Variants in PTPRN2 observed in about 807,000 individuals in gnomAD.
The protein encoded by PTPRN2 is protein tyrosine phosphatase receptor type N2, also known as receptor-type tyrosine-protein phosphatase N2.
PTPRN2 carries 74 observed loss-of-function variants against 118.8 expected under a neutral mutation model. The ratio of observed to expected loss-of-function variants is 0.62; its 90% CI spans 0.52 to 0.76. The LOEUF is 0.76. Ranked by LOEUF, PTPRN2 falls within the 30% of genes least tolerant of loss-of-function variation. PTPRN2 has a pLI of 0.00. For missense variants in PTPRN2, 1,481 were observed against 1,394.4 expected (o/e 1.06, Z -0.99); for synonymous variants, 641 against 608.0 (o/e 1.05, Z -0.80).
At chr7:158,028,451 A>C (rs1807438704) in intron 11 of PTPRN2, 1 of 152,360 alleles carries the variant, frequency 6.6e-6, no homozygotes, top group South Asian at 2.1e-4. Flanking sequence ...AGGCCATTTC[A>C]GACGAGAGAG....
intron 2 of PTPRN2, among the ~76,000 whole-genome samples, chr7:158,406,224 T>G (rs1326881013): frequency 9.7e-5 from 11 of 113,246 alleles, no homozygotes; most frequent in South Asian, 3.0e-4. Flanking sequence ...CGTGAGACAT[T>G]TGGCTGCACA....
At chr7:157,814,424 G>A (rs1026576780) in intron 12 of PTPRN2, among the ~76,000 whole-genome samples, 5 of 151,788 alleles carry the variant, frequency 3.3e-5, no homozygotes, top group African/African-American at 4.9e-5. Context: ...ACTGGCGCTC[G>A]ACATGGGGCA....
intron 3 of PTPRN2, among the ~76,000 whole-genome samples, chr7:158,287,240 G>T (rs1303275107): frequency 4.0e-5 from 6 of 151,678 alleles, no homozygotes; most frequent in African/African-American, 1.5e-4. Context: ...TAGTCTAAAG[G>T]TTTTCAATTT....
At chr7:158,390,570 A>T (rs1013198468) in intron 2 of PTPRN2, among the ~76,000 whole-genome samples, 1 of 152,098 alleles carries the variant, frequency 6.6e-6, no homozygotes, top group African/African-American at 2.4e-5. Flanking sequence ...GGTAGGAGGG[A>T]ACACAGGCAT....
intron 1 of PTPRN2, among the ~76,000 whole-genome samples, chr7:158,491,879 T>A (rs190386872): frequency 2.0e-5 from 3 of 152,330 alleles, no homozygotes; most frequent in Admixed American, 2.0e-4. Flanking sequence ...AACAAGTGTC[T>A]GAGCCAGGCA....
intron 14 of PTPRN2, among the ~76,000 whole-genome samples, chr7:157,630,957 C>A (rs1803902906): frequency 6.6e-6 from 1 of 152,214 alleles, no homozygotes; most frequent in Non-Finnish European, 1.5e-5. Flanking sequence ...ACAGATGAAA[C>A]TGGCAAAAGC....
intron 9 of PTPRN2, among the ~76,000 whole-genome samples, chr7:158,127,037 T>C (rs1483953597): frequency 6.6e-6 from 1 of 152,156 alleles, no homozygotes; most frequent in South Asian, 2.1e-4. Flanking sequence ...AGTTTTGTCA[T>C]AAGAAACACT....
At chr7:157,555,533 T>G (rs1381878223) in intron 21 of PTPRN2, among the ~76,000 whole-genome samples, 1 of 152,124 alleles carries the variant, frequency 6.6e-6, no homozygotes, top group Admixed American at 6.5e-5. Context: ...CACGGACGGA[T>G]GGGGTGTGCC....
At chr7:157,850,547 C>T (rs946418773) in intron 12 of PTPRN2, among the ~76,000 whole-genome samples, 3 of 152,236 alleles carry the variant, frequency 2.0e-5, no homozygotes, top group African/African-American at 7.2e-5. Flanking sequence ...GACAGTCCTG[C>T]ACCATCTCAC....
chr7:157,574,052 G>A (rs1391814161), intron 19 of PTPRN2, among the ~76,000 whole-genome samples: 4 of 152,190 alleles, frequency 2.6e-5, no homozygotes, highest in African/African-American at 9.7e-5. Flanking sequence ...TCATCCGGTT[G>A]ACCCAAGATG....
intron 14 of PTPRN2, among the ~76,000 whole-genome samples, chr7:157,637,016 A>G (rs926995605): frequency 2.0e-5 from 3 of 152,238 alleles, no homozygotes; most frequent in South Asian, 2.1e-4. Flanking sequence ...TTTACTTTTT[A>G]TAACTTATTT....
chr7:158,132,139 ACG>A (rs997551415), intron 9 of PTPRN2, among the ~76,000 whole-genome samples: 13 of 143,272 alleles, frequency 9.1e-5, no homozygotes, highest in African/African-American at 3.1e-4. Context: ...ATACACACAC[ACG>A]TACATACACA....
At chr7:158,450,028 G>C (rs1817992947) in intron 2 of PTPRN2, among the ~76,000 whole-genome samples, 1 of 152,170 alleles carries the variant, frequency 6.6e-6, no homozygotes. Context: ...TCTGGGATGG[G>C]GGTGCCAGCA....
At chr7:157,867,487 G>T (rs1211146638) in intron 12 of PTPRN2, among the ~76,000 whole-genome samples, 1 of 126,450 alleles carries the variant, frequency 7.9e-6, no homozygotes, top group Non-Finnish European at 1.6e-5. Flanking sequence ...TGTCCCTGAC[G>T]CCCTGGATAC....
intron 3 of PTPRN2, among the ~76,000 whole-genome samples, chr7:158,280,297 T>C (rs1169040260): frequency 1.3e-5 from 2 of 152,138 alleles, no homozygotes; most frequent in Non-Finnish European, 2.9e-5. Context: ...CATGAGAAGG[T>C]GGCTAACCCC....
chr7:158,508,212 C>T (rs1356107406), intron 1 of PTPRN2, among the ~76,000 whole-genome samples: 4 of 151,824 alleles, frequency 2.6e-5, no homozygotes, highest in Admixed American at 6.5e-5. Flanking sequence ...CAGTGAGGAC[C>T]GTCCAGGGGA....
Position 157,651,053 on chromosome 7 carries a change from C to T in PTPRN2, c.2196+5304G>A, listed in dbSNP as rs78119952. On this transcript the variant is annotated intron_variant, in intron 14 of 22. Coordinates refer to ENST00000389418, the MANE Select transcript of PTPRN2 (RefSeq NM_002847.5). ...TGCCGGCATCTGTTGGTCGCCAGCA[C>T]AGACACGCATCACGCGTCTCACGCT... 4.8e-3 allele frequency among the ~76,000 whole-genome samples: 729 copies of T among 152,360 alleles called. 4 individuals carry two copies. The highest frequency in any genetic ancestry group is 0.016 in the African/African-American group (673 of 41,586).
At chr7:158,130,912 C>CACACACACTCAT (rs1554549690) in intron 9 of PTPRN2, among the ~76,000 whole-genome samples, 1 of 148,170 alleles carries the variant, frequency 6.7e-6, no homozygotes, top group Non-Finnish European at 1.5e-5. Context: ...TCTACCGACA[C>CACACACACTCAT]ACACACTCAT....
At chr7:157,670,663 C>T (rs1013645991) in intron 13 of PTPRN2, among the ~76,000 whole-genome samples, 9 of 152,166 alleles carry the variant, frequency 5.9e-5, no homozygotes, top group African/African-American at 9.7e-5. Flanking sequence ...CCTCCCTTCC[C>T]GGCTCCCACG....
Sources: allele counts gnomAD v4.1 joint callset (sites outside exome capture counted in the v4.1 genomes callset), GRCh38; gene constraint gnomAD v4.1.1; transcripts MANE v1.5; gene names NCBI Gene and HGNC (gene_info 2026-07-23, HGNC 2026-07-21).